The following PDE2A variants were observed in gnomAD, a reference collection of about 807,000 sequenced individuals.
The protein encoded by PDE2A is phosphodiesterase 2A.
Under a neutral mutation model 133.6 loss-of-function variants are expected in PDE2A, and 53 were observed. The observed-to-expected ratio is 0.40, with a 90% CI of 0.32 to 0.50. The LOEUF (loss-of-function observed/expected upper bound fraction) is 0.50. PDE2A is among the 20% of genes least tolerant of loss of function. PDE2A has a pLI of 0.73. For missense variants in PDE2A, 796 were observed against 1,232.4 expected (o/e 0.65, Z 5.30); for synonymous variants, 491 against 490.2 (o/e 1.00, Z -0.02).
chr11:72,591,304 TC>T lies in PDE2A; in HGVS notation c.541del (p.Glu181ArgfsTer112). The T allele has an allele frequency of 1.2e-6, 2 of 1,613,614 alleles. No homozygotes were observed. Among genetic ancestry groups the T allele is most frequent in the Non-Finnish European group, 1.7e-6 (2 of 1,179,560 alleles). On this transcript the variant is annotated frameshift_variant, in exon 7 of 31. Transcript: ENST00000334456. LOFTEE classifies it high-confidence loss of function. ...DNEEWSLQAV[E>X]KHTLVALRRV... ...GGCCCCACTCCCACTCACATGCTTC[TC>T]CACCGCCTGCAGGCTCCATTCCTCA...
intron 1 of PDE2A, among the ~76,000 whole-genome samples, chr11:72,666,989 C>T (rs1431057436): frequency 6.6e-6 from 1 of 152,080 alleles, no homozygotes; most frequent in Non-Finnish European, 1.5e-5. Context: ...GCCTGTAGTC[C>T]CAGCTACTCA....
Position 72,598,706 on chromosome 11 carries a change from G to C in PDE2A, c.324-1087C>G, listed in dbSNP as rs1591046958. 3.1e-6 allele frequency: 4 copies of C among 1,279,732 alleles called. No individual in the cohort carries two copies. The East Asian group carries it at 2.2e-4, about 72-fold the overall frequency. The allele number at this position is 1,279,732 out of a possible 1,614,324, so 79.3% of individuals were successfully genotyped here. On this transcript the variant is annotated intron_variant, in intron 4 of 30. Coordinates refer to ENST00000334456, the MANE Select transcript of PDE2A (RefSeq NM_002599.5). Reference sequence around the variant, plus strand: ...AGGAAAAGGAGGGGGTGGCCTGCAAGTCACGAGATCACTAGGTCAGAGACT... The same window carrying C: ...AGGAAAAGGAGGGGGTGGCCTGCAACTCACGAGATCACTAGGTCAGAGACT...
chr11:72,625,416 C>T (rs1376861805), intron 2 of PDE2A, among the ~76,000 whole-genome samples: 1 of 152,230 alleles, frequency 6.6e-6, no homozygotes, highest in Non-Finnish European at 1.5e-5. Flanking sequence ...TGGACAGGAC[C>T]AGCCCAATGC....
At chr11:72,598,656 A>G (rs1856595350) in intron 4 of PDE2A, 2 of 1,288,770 alleles carry the variant, frequency 1.6e-6, no homozygotes, top group Non-Finnish European at 2.0e-6. Flanking sequence ...AGGGTCACTA[A>G]GGGAAGCCCA....
At chr11:72,643,210 C>T (rs2135439592) in intron 1 of PDE2A, 1 of 152,360 alleles carries the variant, frequency 6.6e-6, no homozygotes, top group African/African-American at 2.4e-5. Context: ...CCCCTGCCGT[C>T]CCATCGCGGC....
chr11:72,637,650 C>A (rs768180033), intron 2 of PDE2A, among the ~76,000 whole-genome samples: 13 of 152,232 alleles, frequency 8.5e-5, no homozygotes, highest in Non-Finnish European at 1.5e-4. Context: ...GCTGTCAGAG[C>A]AAACCATCAG....
chr11:72,581,334 G>A (rs1332197193), intron 23 of PDE2A, 23 bp downstream of exon 23: 4 of 1,611,600 alleles, frequency 2.5e-6, no homozygotes, highest in African/African-American at 1.3e-5. Context: ...GCTGCCAGAT[G>A]TGGGGGAGAT....
intron 13 of PDE2A, among the ~76,000 whole-genome samples, chr11:72,587,256 G>A (rs759329357): frequency 7.9e-5 from 12 of 152,108 alleles, no homozygotes; most frequent in African/African-American, 2.2e-4. Context: ...TGCTAATGTC[G>A]TCAGTGTATC....
intron 16 of PDE2A, chr11:72,585,166 G>T: frequency 1.6e-6 from 1 of 642,056 alleles, no homozygotes. Flanking sequence ...TGTGATAGGA[G>T]CTGAGGATCC....
chr11:72,595,525 C>G (rs181351500), intron 6 of PDE2A, among the ~76,000 whole-genome samples: 2 of 152,044 alleles, frequency 1.3e-5, no homozygotes, highest in Admixed American at 6.5e-5. Flanking sequence ...TCCCCTCCCC[C>G]CTCTCCTCCC....
chr11:72,591,361 A>T lies in PDE2A; in HGVS notation c.490-5T>A. The T allele has an allele frequency of 6.2e-7, 1 of 1,612,598 alleles. No homozygotes were observed. Among genetic ancestry groups the T allele is most frequent in the Non-Finnish European group, 8.5e-7 (1 of 1,178,768 alleles). On this transcript the variant is annotated splice_region_variant and splice_polypyrimidine_tract_variant and intron_variant, in intron 6 of 30. Transcript: ENST00000334456. Reference sequence around the variant, plus strand: ...ACTCAGCTGGCCACAGTGCACCTGGAGGGATGGGAGAAGGGAACTAGCTGT... The same window carrying T: ...ACTCAGCTGGCCACAGTGCACCTGGTGGGATGGGAGAAGGGAACTAGCTGT...
chr11:72,674,410 C>T lies in PDE2A; in HGVS notation c.-203G>A, dbSNP rs1855455726. ...TCTCCCGCTGCCACTGCCTCTGCTGCTCGGCTGGCTCTGGGAGGAGGTTGG... is the reference window on the plus strand; with the variant it reads ...TCTCCCGCTGCCACTGCCTCTGCTGTTCGGCTGGCTCTGGGAGGAGGTTGG... On this transcript the variant is annotated 5_prime_UTR_variant, in exon 1 of 31. Coordinates refer to ENST00000334456, the MANE Select transcript of PDE2A (RefSeq NM_002599.5). The T allele has an allele frequency of 3.5e-6, 2 of 571,764 alleles. No homozygotes were observed. Among genetic ancestry groups the T allele is most frequent in the South Asian group, 2.1e-5 (1 of 46,518 alleles). 35.4% of individuals were successfully genotyped at this position (571,764 alleles called of 1,614,324 possible).
At chr11:72,649,597 G>T (rs1290960201) in intron 1 of PDE2A, among the ~76,000 whole-genome samples, 1 of 152,232 alleles carries the variant, frequency 6.6e-6, no homozygotes, top group Non-Finnish European at 1.5e-5. Flanking sequence ...CACAAAACAT[G>T]ATTGTCTCAG....
At chr11:72,628,898 G>T (rs1361856069) in intron 2 of PDE2A, among the ~76,000 whole-genome samples, 2 of 152,164 alleles carry the variant, frequency 1.3e-5, no homozygotes, top group Non-Finnish European at 2.9e-5. Flanking sequence ...CTCCAGTCTT[G>T]CCCTCTCCAT....
chr11:72,630,195 C>T (rs938785263), intron 2 of PDE2A, among the ~76,000 whole-genome samples: 2 of 152,136 alleles, frequency 1.3e-5, no homozygotes, highest in East Asian at 3.9e-4. Flanking sequence ...CACCGGTACC[C>T]ATCCAAGGGT....
At chr11:72,649,174 C>T (rs1210540153) in intron 1 of PDE2A, 1 of 152,330 alleles carries the variant, frequency 6.6e-6, no homozygotes, top group African/African-American at 2.4e-5. Context: ...ACCAATACTT[C>T]TCATCACGGT....
At chr11:72,618,589 GC>G (rs1857590385) in intron 2 of PDE2A, among the ~76,000 whole-genome samples, 1 of 152,142 alleles carries the variant, frequency 6.6e-6, no homozygotes, top group East Asian at 1.9e-4. Flanking sequence ...GACCTTCTTT[GC>G]CCCCCTTCAT....
intron 26 of PDE2A, 27 bp downstream of exon 26, chr11:72,579,507 T>TCCCCCCCCCCCCCC: frequency 5.2e-6 from 7 of 1,354,172 alleles, no homozygotes; most frequent in East Asian, 2.4e-5. Flanking sequence ...TCCCCCTCAA[T>TCCCCCCCCCCCCCC]CCCCACCCCA....
intron 3 of PDE2A, among the ~76,000 whole-genome samples, chr11:72,605,946 G>A (rs546725784): frequency 7.9e-5 from 12 of 152,142 alleles, no homozygotes; most frequent in Non-Finnish European, 1.6e-4. Flanking sequence ...TGGGCCCAAG[G>A]TCAGTAGGGC....
Sources: gnomAD v4.1 joint callset for allele counts (sites outside exome capture counted in the v4.1 genomes callset) on GRCh38, gnomAD v4.1.1 for gene constraint, MANE v1.5 for transcripts, NCBI Gene and HGNC (gene_info 2026-07-23, HGNC 2026-07-21) for gene names.